Variants in WIZ observed in about 807,000 individuals in gnomAD.
WIZ encodes protein Wiz.
In WIZ, 25 loss-of-function variants were observed where a neutral mutation model predicts 140.2. The ratio of observed to expected loss-of-function variants is 0.18; its 90% CI spans 0.13 to 0.25. The LOEUF is 0.25. WIZ is among the 10% of genes least tolerant of loss of function. The pLI, the probability that WIZ is intolerant of heterozygous loss-of-function variation, is 1.00. For missense variants in WIZ, 2,231 were observed against 2,632.6 expected (o/e 0.85, Z 3.34); for synonymous variants, 1,125 against 1,154.3 (o/e 0.97, Z 0.51).
intron 7 of WIZ, 99 bp downstream of exon 7, chr19:15,429,487 C>A: frequency 1.2e-6 from 1 of 848,030 alleles, no homozygotes; most frequent in Admixed American, 3.9e-5. Context: ...CCCCACCGCC[C>A]CCACCCACCC....
chr19:15,439,634 AGAG>A lies in WIZ; in HGVS notation c.1357_1359del (p.Leu453del). 5.4e-6 allele frequency: 8 copies of A among 1,489,906 alleles called. No individual in the cohort carries two copies. Among genetic ancestry groups the A allele is most frequent in the Non-Finnish European group, 5.3e-6 (6 of 1,125,820 alleles). The allele number at this position is 1,489,906 out of a possible 1,614,324, so 92.3% of individuals were successfully genotyped here. ...CCAACGGCAGCTCCGTAGGGCTGAT[AGAG>A]GAGGGCGCTGGCCTCAGGGCTGGGG... is the stretch of plus-strand genomic sequence containing the variant. On this transcript the variant is annotated inframe_deletion, in exon 4 of 13. Coordinates refer to ENST00000673675, the MANE Select transcript of WIZ (RefSeq NM_001371589.1). The surrounding 1 kb of genome is among the most constrained non-coding windows in gnomAD (Gnocchi z 7.0).
Position 15,436,790 on chromosome 19 carries a change from C to G in WIZ, c.2740+16G>C. ...GGAAGGATGGGGCTCCAGCACAGCC[C>G]GTCCCCTCCCCTTACCATCTCCATA... On this transcript the variant is annotated intron_variant, in intron 5 of 12. Coordinates refer to ENST00000673675, the MANE Select transcript of WIZ (RefSeq NM_001371589.1). 6.4e-7 allele frequency: 1 copy of G among 1,554,444 alleles called. No individual in the cohort carries two copies. The highest frequency in any genetic ancestry group is 8.6e-7 in the Non-Finnish European group (1 of 1,157,778).
Position 15,424,083 on chromosome 19 carries a change from C to T in WIZ, c.5510+100G>A, listed in dbSNP as rs1040079847. On this transcript the variant is annotated intron_variant, in intron 12 of 12. Transcript: ENST00000673675. This position sits in a 1 kb window ranked among gnomAD's most constrained non-coding sequence, Gnocchi z 9.7. ...CCACACCCAAGGGCAGCCACTGAGG[C>T]GACACCTCCCAGCTTCCACCAAACC... The T allele has an allele frequency of 3.1e-5, 36 of 1,171,522 alleles. No individual in the cohort carries two copies. The highest frequency in any genetic ancestry group is 2.9e-4 in the African/African-American group (18 of 61,718). The allele number at this position is 1,171,522 out of a possible 1,614,324, so 72.6% of individuals were successfully genotyped here.
chr19:15,448,224 C>A lies in WIZ; in HGVS notation c.84G>T (p.Glu28Asp). 1.9e-6 allele frequency: 3 copies of A among 1,613,442 alleles called. No individual in the cohort carries two copies. Among genetic ancestry groups the A allele is most frequent in the South Asian group, 1.1e-5 (1 of 91,074 alleles). Residue 28 changes from glutamate to aspartate, a missense_variant, in exon 2 of 13, where the codon GAG becomes GAT. By Grantham distance (45) the Glu-to-Asp change is conservative. Around this residue, in one of 15 missense-constraint regions of WIZ, gnomAD observed 85 missense variants for 90.9 expected, o/e 0.94. Transcript: ENST00000673675. ...PERLPGPAPRENIEGGAEAAE... is the reference protein window; with the variant it reads ...PERLPGPAPRDNIEGGAEAAE... The stretch of plus-strand genomic sequence containing the variant: ...CAGCTTCGGCCCCACCCTCGATGTT[C>A]TCCCTTGGCGCCGGGCCAGGCAGTC...
intron 7 of WIZ, 22 bp downstream of exon 7, chr19:15,429,564 G>A (rs1306466057): frequency 6.7e-6 from 8 of 1,192,158 alleles, no homozygotes; most frequent in East Asian, 8.5e-5. Flanking sequence ...AACCTCCCTC[G>A]GCTCTTGGGA....
Position 15,438,780 on chromosome 19 carries a change from C to T in WIZ, c.2214G>A (p.Gly738=). 1 of 1,533,504 alleles carries T rather than the reference C, an allele frequency of 6.5e-7. No homozygotes were observed. The allele number at this position is 1,533,504 out of a possible 1,614,324, so 95.0% of individuals were successfully genotyped here. Reference sequence around the variant, plus strand: ...CGTGCTTCAGTGCCATGGCCGGATCCCCATCCAGGAGTGTGTCCAGCCCCA... The same window carrying T: ...CGTGCTTCAGTGCCATGGCCGGATCTCCATCCAGGAGTGTGTCCAGCCCCA... The part of the protein sequence containing the change: ...GPLGLDTLLD[G]DPAMALKHEE... The change falls in exon 4 of 13, where the codon GGG becomes GGA. Residue 738 remains glycine (G), a synonymous_variant. Transcript: ENST00000673675.
intron 9 of WIZ, among the ~76,000 whole-genome samples, chr19:15,426,643 G>C (rs1010107412): frequency 1.3e-5 from 2 of 152,184 alleles, no homozygotes; most frequent in African/African-American, 4.8e-5. Flanking sequence ...CAGTCCCTAC[G>C]CTCCTGCTGT....
chr19:15,435,618 T>C (rs1321062625), intron 5 of WIZ, among the ~76,000 whole-genome samples: 1 of 151,140 alleles, frequency 6.6e-6, no homozygotes, highest in African/African-American at 2.4e-5. Flanking sequence ...GCAGATCACT[T>C]GAGGTCAGGA....
In WIZ at chr19:15,422,841, T is replaced by TGG; in HGVS notation, c.*233_*234dup. The TGG allele has an allele frequency of 3.4e-6, 2 of 580,470 alleles. No individual in the cohort carries two copies. The highest frequency in any genetic ancestry group is 6.0e-6 in the Non-Finnish European group (2 of 335,644). The allele number at this position is 580,470 out of a possible 1,614,324, so 36.0% of individuals were successfully genotyped here. A position where few individuals can be genotyped will look rare whatever the true frequency, so the allele number is the denominator to read the frequency against. On this transcript the variant is annotated 3_prime_UTR_variant, in exon 13 of 13. Transcript: ENST00000673675. Reference sequence around the variant, plus strand: ...TGGCTGCTGCCCCTGCTGGACCAGGTGGGCATGGGCTGAAGGAAGACACCC... The same window carrying TGG: ...TGGCTGCTGCCCCTGCTGGACCAGGTGGGGGCATGGGCTGAAGGAAGACACCC...
chr19:15,429,514 G>T, intron 7 of WIZ, 72 bp downstream of exon 7: 2 of 1,299,028 alleles, frequency 1.5e-6, no homozygotes, highest in Non-Finnish European at 2.0e-6. Context: ...CTGTCCCTGG[G>T]CTACAGCCCA....
chr19:15,448,358 C>T lies in WIZ; in HGVS notation c.-51G>A. On this transcript the variant is annotated 5_prime_UTR_variant, in exon 2 of 13. An upstream start codon of the reference 5' UTR is lost. Transcript: ENST00000673675. ...CAGCTGCTGCACCGGCTCAGCGGGG[C>T]ATTGTGGGCCTGGGGATAGAGAGAA... 1 of 1,598,204 alleles carries T rather than the reference C, an allele frequency of 6.3e-7. No individual in the cohort carries two copies. Among genetic ancestry groups the T allele is most frequent in the Non-Finnish European group, 8.5e-7 (1 of 1,175,368 alleles).
At position 15,427,553 on chromosome 19, in the gene WIZ, G is replaced by A. The variant is rs1430016651; in HGVS notation, c.3815-20C>T. On this transcript the variant is annotated intron_variant, in intron 8 of 12. Coordinates refer to ENST00000673675, the MANE Select transcript of WIZ (RefSeq NM_001371589.1). The surrounding 1 kb of genome is among the most constrained non-coding windows in gnomAD (Gnocchi z 6.4). ...CTGAGGCTGCAGCAGGAGGAGAAAG[G>A]GGCAGTTAGCATCGTGGAACTGCCA... 1.9e-6 allele frequency: 3 copies of A among 1,593,440 alleles called. No homozygotes were observed. The highest frequency in any genetic ancestry group is 1.7e-6 in the Non-Finnish European group (2 of 1,167,586).
At position 15,422,698 on chromosome 19, in the gene WIZ, G is replaced by C. The variant is rs1348381225; in HGVS notation, c.*378C>G. On this transcript the variant is annotated 3_prime_UTR_variant, in exon 13 of 13. Coordinates refer to ENST00000673675, the MANE Select transcript of WIZ (RefSeq NM_001371589.1). ...TATTCATGGGGGAGAGAGGGAACCAGAACAGGGGTCTTTGGGGTCTTTGCA... is the reference window on the plus strand; with the variant it reads ...TATTCATGGGGGAGAGAGGGAACCACAACAGGGGTCTTTGGGGTCTTTGCA... 1 of 275,994 alleles carries C rather than the reference G, an allele frequency of 3.6e-6. No individual in the cohort carries two copies. Among genetic ancestry groups the C allele is most frequent in the Non-Finnish European group, 7.0e-6 (1 of 143,866 alleles). 17.1% of individuals were successfully genotyped at this position (275,994 alleles called of 1,614,324 possible).
At chr19:15,432,488 C>G (rs1194957689) in intron 5 of WIZ, 2 of 972,812 alleles carry the variant, frequency 2.1e-6, no homozygotes, top group Non-Finnish European at 2.4e-6. Flanking sequence ...GCCTTGGGCC[C>G]GTCCCGCGGC....
At chr19:15,437,462 A>C (rs548145832) in intron 4 of WIZ, among the ~76,000 whole-genome samples, 1 of 152,306 alleles carries the variant, frequency 6.6e-6, no homozygotes, top group East Asian at 1.9e-4. Flanking sequence ...CAGGAGTTTG[A>C]CACCAGTCTG....
intron 5 of WIZ, among the ~76,000 whole-genome samples, chr19:15,434,745 T>G (rs768444792): frequency 5.9e-5 from 9 of 152,198 alleles, no homozygotes; most frequent in Non-Finnish European, 1.3e-4. Context: ...AAAGCCAGGC[T>G]GTGCAAGACT....
chr19:15,443,397 C>T (rs1446730922), intron 2 of WIZ, among the ~76,000 whole-genome samples: 1 of 152,196 alleles, frequency 6.6e-6, no homozygotes, highest in Non-Finnish European at 1.5e-5. Context: ...TAGCCGCCAC[C>T]TACAAGGCCC....
rs1044148682 is a variant in WIZ, at chr19:15,428,859, G to A, written c.3416-351C>T. On this transcript the variant is annotated intron_variant, in intron 7 of 12. Coordinates refer to ENST00000673675, the MANE Select transcript of WIZ (RefSeq NM_001371589.1). This position sits in a 1 kb window ranked among gnomAD's most constrained non-coding sequence, Gnocchi z 6.4. Reference sequence around the variant, plus strand: ...GCAGCCAAGGGCACACCTGCTCAAGGCCCTGCCCCTGGAAGCACGGCAGAC... The same window carrying A: ...GCAGCCAAGGGCACACCTGCTCAAGACCCTGCCCCTGGAAGCACGGCAGAC... 1.3e-5 allele frequency among the ~76,000 whole-genome samples: 2 copies of A among 152,150 alleles called. No individual in the cohort carries two copies. Among genetic ancestry groups the A allele is most frequent in the African/African-American group, 4.8e-5 (2 of 41,416 alleles).
Position 15,428,378 on chromosome 19 carries a change from C to T in WIZ, c.3546G>A (p.Lys1182=). 6.5e-7 allele frequency: 1 copy of T among 1,535,474 alleles called. No individual in the cohort carries two copies. The highest frequency in any genetic ancestry group is 8.7e-7 in the Non-Finnish European group (1 of 1,146,724). Residue 1182 remains lysine (K), a synonymous_variant, in exon 8 of 13, where the codon AAG becomes AAA. Coordinates refer to ENST00000673675, the MANE Select transcript of WIZ (RefSeq NM_001371589.1). This position sits in a 1 kb window ranked among gnomAD's most constrained non-coding sequence, Gnocchi z 6.4. ...RHLGVSDPDA[K]GSPIDVLHGL... is the part of the protein sequence containing the mutation. ...CGTGGAGCACGTCTATGGGGGATCC[C>T]TTGGCGTCCGGATCGCTGACGCCCA...
Sources: allele counts gnomAD v4.1 joint callset (sites outside exome capture counted in the v4.1 genomes callset), GRCh38; gene constraint gnomAD v4.1.1; regional missense constraint gnomAD v4.1.1; non-coding constraint Gnocchi (gnomAD v3.1); transcripts MANE v1.5; gene names NCBI Gene and HGNC (gene_info 2026-07-23, HGNC 2026-07-21).